CPNE5: variants seen among roughly 807,000 people sequenced by gnomAD.
CPNE5 encodes the protein copine-5.
In CPNE5, 42 loss-of-function variants were observed where a neutral mutation model predicts 81.1. That is an observed-to-expected ratio of 0.52 (90% confidence interval 0.40 to 0.67). The LOEUF is 0.67. Ranked by LOEUF, CPNE5 falls within the 30% of genes least tolerant of loss-of-function variation. The probability of loss-of-function intolerance (pLI) is 0.00; values close to 1 mark genes in which losing one functional copy is unlikely to be tolerated. For missense variants in CPNE5, 612 were observed against 815.5 expected (o/e 0.75, Z 3.04); for synonymous variants, 313 against 321.5 (o/e 0.97, Z 0.28).
At chr6:36,759,562 C>A in intron 12 of CPNE5, among the ~76,000 whole-genome samples, 1 of 151,934 alleles carries the variant, frequency 6.6e-6, no homozygotes, top group South Asian at 2.1e-4. Flanking sequence ...ACTTCAAGGT[C>A]TTTGAGGGGT....
intron 3 of CPNE5, among the ~76,000 whole-genome samples, chr6:36,815,692 G>A (rs1771480736): frequency 1.3e-5 from 2 of 152,242 alleles, no homozygotes; most frequent in Admixed American, 1.3e-4. Context: ...CAGAGGTTAT[G>A]TGAAGACACA....
intron 3 of CPNE5, among the ~76,000 whole-genome samples, chr6:36,816,352 G>C (rs2150573267): frequency 6.6e-6 from 1 of 152,324 alleles, no homozygotes. Context: ...TTAGGTGCTG[G>C]GAAGATGGAG....
chr6:36,792,280 T>C, intron 7 of CPNE5, 184 bp from the exon 8 acceptor site: 1 of 1,444,950 alleles, frequency 6.9e-7, no homozygotes, highest in Non-Finnish European at 9.4e-7. Context: ...GTGCACTGCT[T>C]CCTGGGACCG....
intron 7 of CPNE5, among the ~76,000 whole-genome samples, chr6:36,793,637 CTCTG>C (rs1267432960): frequency 1.3e-5 from 2 of 152,230 alleles, no homozygotes; most frequent in East Asian, 1.9e-4. Flanking sequence ...GTCTTTGTAT[CTCTG>C]TCTGACTCCT....
upstream of CPNE5, chr6:36,839,706 G>C: frequency 3.2e-6 from 1 of 308,528 alleles, no homozygotes; most frequent in South Asian, 7.9e-5. This position sits in a 1 kb window ranked among gnomAD's most constrained non-coding sequence, Gnocchi z 7.3. Flanking sequence ...GGCACCGGGA[G>C]GGAAACGCGG....
Position 36,792,071 on chromosome 6 carries a change from T to A in CPNE5, c.490A>T (p.Thr164Ser). ...NGGVPGKKCG[T>S]IILSAEELSN... is the part of the protein sequence containing the mutation. ...AGCTCCTCAGCGGACAGGATGATGG[T>A]GCCACATTTCTTTCCTGGGACACCA... The change falls in exon 8 of 21, where the codon ACC becomes TCC. Residue 164 changes from threonine (T) to serine (S), a missense_variant. By Grantham distance (58) the Thr-to-Ser change is moderately conservative. Transcript: ENST00000244751. 1 of 1,614,012 alleles carries A rather than the reference T, an allele frequency of 6.2e-7. No individual in the cohort carries two copies. Among genetic ancestry groups the A allele is most frequent in the Non-Finnish European group, 8.5e-7 (1 of 1,179,974 alleles).
At chr6:36,796,110 G>A (rs539364761) in intron 6 of CPNE5, among the ~76,000 whole-genome samples, 1 of 152,172 alleles carries the variant, frequency 6.6e-6, no homozygotes, top group South Asian at 2.1e-4. Flanking sequence ...CACCACGCCA[G>A]GCTAATTTTT....
At position 36,746,130 on chromosome 6, in the gene CPNE5, G is replaced by C; in HGVS notation, c.1200+266C>G. The C allele has an allele frequency of 1.0e-6, 1 of 983,044 alleles. No individual in the cohort carries two copies. The highest frequency in any genetic ancestry group is 1.2e-6 in the Non-Finnish European group (1 of 828,032). 60.9% of individuals were successfully genotyped at this position (983,044 alleles called of 1,614,324 possible). On this transcript the variant is annotated intron_variant, in intron 16 of 20. Transcript: ENST00000244751. This position sits in a 1 kb window ranked among gnomAD's most constrained non-coding sequence, Gnocchi z 4.5. Reference sequence around the variant, plus strand: ...CTGAGGGATGGGTCAGCCACAGCTCGCCTCCACCTGCACCTGCGTCTTGTC... The same window carrying C: ...CTGAGGGATGGGTCAGCCACAGCTCCCCTCCACCTGCACCTGCGTCTTGTC...
intron 9 of CPNE5, 93 bp downstream of exon 9, chr6:36,778,761 G>T: frequency 1.1e-6 from 1 of 891,648 alleles, no homozygotes; most frequent in Non-Finnish European, 1.8e-6. Context: ...ATGGGCCCAA[G>T]CCACCCTGCC....
intron 3 of CPNE5, among the ~76,000 whole-genome samples, chr6:36,811,280 A>C (rs1195362619): frequency 6.6e-6 from 1 of 152,206 alleles, no homozygotes. Flanking sequence ...TCACTCCAAA[A>C]CATCGATAGC....
chr6:36,783,238 GA>G (rs1169103321), intron 8 of CPNE5, among the ~76,000 whole-genome samples: 1 of 152,060 alleles, frequency 6.6e-6, no homozygotes, highest in East Asian at 1.9e-4. Flanking sequence ...AGGGTGGGAG[GA>G]AGGAGAGGAT....
Position 36,766,948 on chromosome 6 carries a change from G to A in CPNE5, c.738-1572C>T, listed in dbSNP as rs897936317. Reference sequence around the variant, plus strand: ...TCGGCTCATTGCAACCTCCGCCTCCGGATTCAACTGATTCTCCTGCCTCAC... The same window carrying A: ...TCGGCTCATTGCAACCTCCGCCTCCAGATTCAACTGATTCTCCTGCCTCAC... On this transcript the variant is annotated intron_variant, in intron 10 of 20. Coordinates refer to ENST00000244751, the MANE Select transcript of CPNE5 (RefSeq NM_020939.2). The surrounding 1 kb of genome is among the most constrained non-coding windows in gnomAD (Gnocchi z 4.2). 4.6e-5 allele frequency among the ~76,000 whole-genome samples: 7 copies of A among 152,106 alleles called. No individual in the cohort carries two copies. Among genetic ancestry groups the A allele is most frequent in the South Asian group, 2.1e-4 (1 of 4,830 alleles).
chr6:36,748,341 T>G (rs1764418864), intron 14 of CPNE5, 74 bp from the exon 15 acceptor site: 7 of 1,347,420 alleles, frequency 5.2e-6, no homozygotes, highest in Non-Finnish European at 6.4e-6. Flanking sequence ...GTGCTAGACA[T>G]TGGCTACCAC....
intron 7 of CPNE5, among the ~76,000 whole-genome samples, chr6:36,793,538 C>T (rs1288947089): frequency 6.6e-6 from 1 of 152,180 alleles, no homozygotes; most frequent in Non-Finnish European, 1.5e-5. Flanking sequence ...CTGAGTCCTT[C>T]TTCTATTTCC....
intron 7 of CPNE5, among the ~76,000 whole-genome samples, chr6:36,794,126 G>A (rs1769345881): frequency 6.6e-6 from 1 of 151,924 alleles, no homozygotes; most frequent in Non-Finnish European, 1.5e-5. Flanking sequence ...TCTACTCTGT[G>A]GTGAGGAGGA....
chr6:36,834,104 A>G (rs1200156192), intron 1 of CPNE5, among the ~76,000 whole-genome samples: 2 of 151,298 alleles, frequency 1.3e-5, no homozygotes, highest in African/African-American at 4.9e-5. Flanking sequence ...AAAATTTAAA[A>G]ATTAGCTAGA....
intron 12 of CPNE5, 88 bp from the exon 13 acceptor site, chr6:36,756,386 C>G (rs998691890): frequency 1.2e-5 from 13 of 1,072,684 alleles, no homozygotes; most frequent in Middle Eastern, 2.0e-4. Context: ...TGGGTGTGGT[C>G]CAAGCCCAGC....
At position 36,821,989 on chromosome 6, in the gene CPNE5, C is replaced by A. The variant is rs980692556; in HGVS notation, c.183+125G>T. On this transcript the variant is annotated intron_variant, in intron 3 of 20. Coordinates refer to ENST00000244751, the MANE Select transcript of CPNE5 (RefSeq NM_020939.2). ...GGGACTTCATGCTTTGCACACCTTA[C>A]TAGCCTTCAGCGGGGCTTGGATGCT... The A allele has an allele frequency of 6.1e-6, 5 of 820,960 alleles. No homozygotes were observed. The African/African-American group carries it at 8.6e-5, about 14-fold the overall frequency. The allele number at this position is 820,960 out of a possible 1,614,324, so 50.9% of individuals were successfully genotyped here.
chr6:36,782,816 AACACACACACACACACACACACACAC>A (rs3997726), intron 8 of CPNE5, among the ~76,000 whole-genome samples: 3 of 126,230 alleles, frequency 2.4e-5, no homozygotes, highest in African/African-American at 3.2e-5. Context: ...CAAAAACCAA[AACACACACACACACACACACACACAC>A]ACACACACAC....
Sources: allele counts gnomAD v4.1 joint callset (sites outside exome capture counted in the v4.1 genomes callset), GRCh38; gene constraint gnomAD v4.1.1; non-coding constraint Gnocchi (gnomAD v3.1); transcripts MANE v1.5; gene names NCBI Gene and HGNC (gene_info 2026-07-23, HGNC 2026-07-21).